The following GPC5 variants were observed in gnomAD, a reference collection of about 807,000 sequenced individuals.
The protein encoded by GPC5 is glypican-5.
Under a neutral mutation model 53.9 loss-of-function variants are expected in GPC5, and 47 were observed. That is an observed-to-expected ratio of 0.87 (90% confidence interval 0.69 to 1.11). The LOEUF (loss-of-function observed/expected upper bound fraction) is 1.11, where lower values mean the gene tolerates loss of function less well. Among genes scored for constraint, GPC5 ranks in the 50% most tolerant of loss-of-function variants. The probability of loss-of-function intolerance (pLI) is 0.00; values close to 1 mark genes in which losing one functional copy is unlikely to be tolerated. For missense variants in GPC5, 748 were observed against 713.1 expected (o/e 1.05, Z -0.56); for synonymous variants, 286 against 263.3 (o/e 1.09, Z -0.84).
intron 2 of GPC5, among the ~76,000 whole-genome samples, chr13:91,479,906 A>T (rs1018892695): frequency 1.3e-5 from 2 of 152,210 alleles, no homozygotes; most frequent in Non-Finnish European, 2.9e-5. Flanking sequence ...ATTTAATGGT[A>T]AAAACTTGCT....
At chr13:91,727,055 C>T (rs1336289346) in intron 3 of GPC5, among the ~76,000 whole-genome samples, 4 of 152,198 alleles carry the variant, frequency 2.6e-5, no homozygotes, top group African/African-American at 2.4e-5. Flanking sequence ...TGTGTTACAA[C>T]GTTTTGACAT....
At chr13:91,983,671 A>G (rs1305876901) in intron 6 of GPC5, among the ~76,000 whole-genome samples, 3 of 152,152 alleles carry the variant, frequency 2.0e-5, no homozygotes, top group Non-Finnish European at 4.4e-5. Flanking sequence ...GTTCTGGAGC[A>G]GAATATTGAT....
At chr13:91,482,864 G>GTTT (rs111997854) in intron 2 of GPC5, among the ~76,000 whole-genome samples, 14 of 142,366 alleles carry the variant, frequency 9.8e-5, no homozygotes, top group African/African-American at 3.6e-4. Flanking sequence ...GAGAATGCAG[G>GTTT]TTTTTTTTTT....
At chr13:92,748,311 T>TTTA (rs71202559) in intron 7 of GPC5, among the ~76,000 whole-genome samples, 26,376 of 142,226 alleles carry the variant, frequency 0.19, 2,445 homozygotes, top group South Asian at 0.26. Flanking sequence ...TGCATTTTAT[T>TTTA]TTATTATTAT....
intron 7 of GPC5, among the ~76,000 whole-genome samples, chr13:92,429,335 G>C (rs1395891529): frequency 1.3e-5 from 2 of 151,450 alleles, no homozygotes; most frequent in Non-Finnish European, 2.9e-5. Flanking sequence ...TCATATTCCA[G>C]GAAGCACATT....
At chr13:92,298,011 A>G (rs962274999) in intron 7 of GPC5, among the ~76,000 whole-genome samples, 4 of 152,096 alleles carry the variant, frequency 2.6e-5, no homozygotes, top group Non-Finnish European at 5.9e-5. Context: ...TCATTCTTGA[A>G]GTCAGTGAGA....
chr13:91,745,583 C>G (rs957139220), intron 4 of GPC5, among the ~76,000 whole-genome samples: 8 of 151,800 alleles, frequency 5.3e-5, no homozygotes, highest in African/African-American at 1.9e-4. Flanking sequence ...GAGATGACTT[C>G]CTATGTGGAG....
chr13:91,575,088 A>G (rs1199064872), intron 2 of GPC5, among the ~76,000 whole-genome samples: 1 of 152,152 alleles, frequency 6.6e-6, no homozygotes, highest in Non-Finnish European at 1.5e-5. Context: ...CATGTACCAC[A>G]TTCTATAATA....
chr13:92,239,012 T>TG (rs2042590181), intron 7 of GPC5, among the ~76,000 whole-genome samples: 5 of 151,674 alleles, frequency 3.3e-5, no homozygotes, highest in African/African-American at 1.2e-4. Context: ...TTTTTTTTCA[T>TG]GGAATTATCT....
At chr13:91,850,385 T>C (rs1312454060) in intron 5 of GPC5, among the ~76,000 whole-genome samples, 2 of 152,126 alleles carry the variant, frequency 1.3e-5, no homozygotes, top group Non-Finnish European at 2.9e-5. Context: ...TGGTTCAAAC[T>C]GTCAATAATA....
chr13:92,807,901 A>T (rs1174713558), intron 7 of GPC5, among the ~76,000 whole-genome samples: 1 of 152,108 alleles, frequency 6.6e-6, no homozygotes, highest in East Asian at 1.9e-4. Context: ...CCAGGTATGA[A>T]AATTAAATGG....
At chr13:92,466,866 G>A (rs1164452727) in intron 7 of GPC5, among the ~76,000 whole-genome samples, 1 of 152,116 alleles carries the variant, frequency 6.6e-6, no homozygotes, top group South Asian at 2.1e-4. Context: ...CAATCCCGAT[G>A]TATTCAGTAA....
intron 3 of GPC5, among the ~76,000 whole-genome samples, chr13:91,727,377 G>A (rs1416708759): frequency 6.6e-6 from 1 of 152,030 alleles, no homozygotes; most frequent in Non-Finnish European, 1.5e-5. Flanking sequence ...GACATCCATT[G>A]TCAGCCTCAC....
intron 7 of GPC5, among the ~76,000 whole-genome samples, chr13:92,373,616 G>A (rs1370685076): frequency 1.3e-5 from 2 of 152,118 alleles, no homozygotes; most frequent in Admixed American, 6.6e-5. Context: ...ATAAATCGCT[G>A]TCTACCTTCC....
chr13:92,490,883 A>G (rs1012408615), intron 7 of GPC5, among the ~76,000 whole-genome samples: 2 of 152,104 alleles, frequency 1.3e-5, no homozygotes, highest in Non-Finnish European at 2.9e-5. Context: ...CAAGAAAACT[A>G]CAGTGGAAAT....
At chr13:92,108,753 T>C (rs1400500335) in intron 6 of GPC5, among the ~76,000 whole-genome samples, 1 of 152,174 alleles carries the variant, frequency 6.6e-6, no homozygotes, top group Admixed American at 6.5e-5. Context: ...GATCTCCTCT[T>C]GAACTTTTTT....
rs773688855 is a variant in GPC5 at position 92,348,938 on chromosome 13, C to G, written c.1561+203949C>G. On this transcript the variant is annotated intron_variant, in intron 7 of 7. Coordinates refer to ENST00000377067, the MANE Select transcript of GPC5 (RefSeq NM_004466.6). ...ACAGCAAAAGAAGTTCTAAGAGGAA[C>G]GTTTATAACAATAAATGTTTACCTA... Among the ~76,000 whole-genome samples, 12 of 151,920 alleles carry G rather than the reference C, an allele frequency of 7.9e-5. No individual in the cohort carries two copies. The South Asian group carries it at 2.5e-3, about 32-fold the overall frequency.
intron 6 of GPC5, among the ~76,000 whole-genome samples, chr13:92,018,964 T>C (rs1444561546): frequency 6.6e-6 from 1 of 152,058 alleles, no homozygotes; most frequent in African/African-American, 2.4e-5. Context: ...CATTAGTATC[T>C]TCCTAAATAT....
chr13:92,036,021 G>A (rs80178106), intron 6 of GPC5, among the ~76,000 whole-genome samples: 51 of 152,182 alleles, frequency 3.4e-4, no homozygotes, highest in African/African-American at 1.1e-3. Context: ...ACTGGCCCCC[G>A]GGGTTGTTTT....
Sources: gnomAD v4.1 joint callset for allele counts (sites outside exome capture counted in the v4.1 genomes callset) on GRCh38, gnomAD v4.1.1 for gene constraint, MANE v1.5 for transcripts, NCBI Gene and HGNC (gene_info 2026-07-23, HGNC 2026-07-21) for gene names.